The following CFAP20DC variants were observed in gnomAD, a reference collection of about 807,000 sequenced individuals.
The protein encoded by CFAP20DC is CFAP20 domain containing.
A neutral mutation model predicts 101.7 loss-of-function variants in CFAP20DC; 84 were observed. That is an observed-to-expected ratio of 0.83 (90% CI 0.69 to 0.99). CFAP20DC has a LOEUF of 0.99. Ranked by LOEUF, CFAP20DC falls within the 50% of genes least tolerant of loss-of-function variation. CFAP20DC has a pLI of 0.00. For synonymous variants in CFAP20DC, 359 were observed against 351.2 expected (o/e 1.02, Z -0.25); for missense variants, 1,007 against 970.3 (o/e 1.04, Z -0.50).
At chr3:58,849,621 G>T (rs1031675030) in intron 12 of CFAP20DC, among the ~76,000 whole-genome samples, 1 of 152,144 alleles carries the variant, frequency 6.6e-6, no homozygotes, top group Middle Eastern at 3.4e-3. Flanking sequence ...CCTGCTATAC[G>T]GTATTTGGTC....
chr3:58,917,092 T>G (rs1272834079), intron 5 of CFAP20DC, among the ~76,000 whole-genome samples: 2 of 152,118 alleles, frequency 1.3e-5, no homozygotes, highest in African/African-American at 4.8e-5. Flanking sequence ...AAGACAGAAA[T>G]CTGATAGAGA....
At position 58,836,475 on chromosome 3, in the gene CFAP20DC, T is replaced by C. The variant is rs74352889; in HGVS notation, c.1972-4586A>G. The stretch of plus-strand genomic sequence containing the variant: ...AGATAGGAACCAGTTCTGCTAAACA[T>C]TGGGTGACACAAGGCTAAATCTACA... On this transcript the variant is annotated intron_variant, in intron 13 of 16. Coordinates refer to ENST00000482387, the MANE Select transcript of CFAP20DC (RefSeq NM_001394063.1). Among the ~76,000 whole-genome samples, 125 of 152,212 alleles carry C rather than the reference T, an allele frequency of 8.2e-4. 1 individual carries two copies. In the East Asian group the frequency reaches 0.017, roughly 21 times the overall value.
Position 58,996,003 on chromosome 3 carries a change from T to TATCTATCTATCA in CFAP20DC, c.278+43553_278+43554insTGATAGATAGAT, listed in dbSNP as rs1427504516. 8.6e-5 allele frequency among the ~76,000 whole-genome samples: 13 copies of TATCTATCTATCA among 152,010 alleles called. No individual in the cohort carries two copies. In the East Asian group the frequency reaches 1.5e-3, roughly 18 times the overall value. On this transcript the variant is annotated intron_variant, in intron 4 of 16. Transcript: ENST00000482387. ...CTATCTATCTATCTATCTATCTATC[T>TATCTATCTATCA]ATCTATCTATCTATCTATCTATTGT...
At chr3:58,904,901 T>C (rs575868266) in intron 6 of CFAP20DC, among the ~76,000 whole-genome samples, 47 of 152,222 alleles carry the variant, frequency 3.1e-4, no homozygotes, top group African/African-American at 1.1e-3. Flanking sequence ...TCTATAAAGG[T>C]TTATTGAACG....
chr3:58,944,607 G>A (rs1269151012), intron 4 of CFAP20DC, among the ~76,000 whole-genome samples: 1 of 151,494 alleles, frequency 6.6e-6, no homozygotes, highest in Non-Finnish European at 1.5e-5. Context: ...GCAGTACCAA[G>A]GATTCCCTGG....
At chr3:58,825,469 T>G (rs943077330) in intron 14 of CFAP20DC, among the ~76,000 whole-genome samples, 4 of 151,872 alleles carry the variant, frequency 2.6e-5, no homozygotes, top group African/African-American at 9.7e-5. Context: ...TGATCTAGAG[T>G]TTATATTTGT....
At chr3:58,979,210 C>T (rs775607364) in intron 4 of CFAP20DC, among the ~76,000 whole-genome samples, 1 of 152,200 alleles carries the variant, frequency 6.6e-6, no homozygotes, top group Admixed American at 6.5e-5. Context: ...GCTTTGCAGT[C>T]AGACTGCATA....
rs2067512123 is a variant in CFAP20DC, at chr3:58,724,073, T to A, written c.198-6445A>T. ...TTCATTCCAGGATGCTGAGGTTTAATCCCTTTGAAAGGAGGGTGCTCCATG... is the reference window on the plus strand; with the variant it reads ...TTCATTCCAGGATGCTGAGGTTTAAACCCTTTGAAAGGAGGGTGCTCCATG... On this transcript the variant is annotated intron_variant, in intron 3 of 3. Coordinates refer to the CFAP20DC transcript ENST00000486145. This position sits in a 1 kb window ranked among gnomAD's most constrained non-coding sequence, Gnocchi z 5.6. Among the ~76,000 whole-genome samples, 1 of 152,162 alleles carries A rather than the reference T, an allele frequency of 6.6e-6. No homozygotes were observed. The highest frequency in any genetic ancestry group is 6.5e-5 in the Admixed American group (1 of 15,284).
intron 4 of CFAP20DC, among the ~76,000 whole-genome samples, chr3:59,026,957 C>T (rs758964785): frequency 6.6e-6 from 1 of 152,136 alleles, no homozygotes; most frequent in African/African-American, 2.4e-5. Flanking sequence ...GACCTAAACT[C>T]CGTAAAATTC....
At chr3:58,948,021 G>A (rs574289624) in intron 4 of CFAP20DC, among the ~76,000 whole-genome samples, 1 of 152,292 alleles carries the variant, frequency 6.6e-6, no homozygotes, top group African/African-American at 2.4e-5. Context: ...TTTCCAAGTT[G>A]TATATTGGAA....
intron 4 of CFAP20DC, among the ~76,000 whole-genome samples, chr3:59,026,226 C>T (rs1029462727): frequency 3.3e-5 from 5 of 152,108 alleles, no homozygotes; most frequent in Admixed American, 1.3e-4. Flanking sequence ...AAATTAGCCA[C>T]GAGATGCGTT....
Position 58,795,389 on chromosome 3 carries a change from C to G in CFAP20DC, c.2237+11006G>C, listed in dbSNP as rs369637893. On this transcript the variant is annotated intron_variant, in intron 15 of 16. Transcript: ENST00000482387. This position sits in a 1 kb window ranked among gnomAD's most constrained non-coding sequence, Gnocchi z 4.2. Reference sequence around the variant, plus strand: ...GCCGTGGCTCACGCCTGTAACCCAGCCCTTTGGGAGGCCAAGGTGGAGGGA... The same window carrying G: ...GCCGTGGCTCACGCCTGTAACCCAGGCCTTTGGGAGGCCAAGGTGGAGGGA... 9.3e-4 allele frequency among the ~76,000 whole-genome samples: 142 copies of G among 152,278 alleles called. No individual in the cohort carries two copies. Among genetic ancestry groups the G allele is most frequent in the South Asian group, 4.8e-3 (23 of 4,824 alleles).
chr3:58,758,845 T>C lies in CFAP20DC; in HGVS notation c.2238-4982A>G, dbSNP rs562073761. ...GAATGATGGTTTCCAGCTTCATCCA[T>C]GTCCCTACAAAGGACAAGAACTCAT... On this transcript the variant is annotated intron_variant, in intron 15 of 16. Coordinates refer to ENST00000482387, the MANE Select transcript of CFAP20DC (RefSeq NM_001394063.1). Among the ~76,000 whole-genome samples, 7 of 152,206 alleles carry C rather than the reference T, an allele frequency of 4.6e-5. No individual in the cohort carries two copies. The East Asian group carries it at 5.8e-4, about 13-fold the overall frequency.
chr3:58,814,741 T>A (rs1575730490), intron 14 of CFAP20DC, among the ~76,000 whole-genome samples: 1 of 150,518 alleles, frequency 6.6e-6, no homozygotes, highest in South Asian at 2.1e-4. Context: ...AAATCATGAG[T>A]GAACTCCCAT....
intron 15 of CFAP20DC, among the ~76,000 whole-genome samples, chr3:58,763,821 T>C (rs1014662643): frequency 3.9e-5 from 6 of 152,210 alleles, no homozygotes. Flanking sequence ...CCTGTTTGCC[T>C]GGGTATCAGC....
chr3:58,974,263 T>G (rs1240173209), intron 4 of CFAP20DC, among the ~76,000 whole-genome samples: 1 of 152,120 alleles, frequency 6.6e-6, no homozygotes, highest in Admixed American at 6.6e-5. Flanking sequence ...TCCTCCCACC[T>G]TCCCCCTACT....
intron 15 of CFAP20DC, among the ~76,000 whole-genome samples, chr3:58,763,948 A>G (rs2069971983): frequency 6.6e-6 from 1 of 151,958 alleles, no homozygotes; most frequent in African/African-American, 2.4e-5. Flanking sequence ...GTCTGCCCCT[A>G]CTCGGGGGTT....
chr3:59,009,340 C>G (rs999595537), intron 4 of CFAP20DC, among the ~76,000 whole-genome samples: 4 of 151,628 alleles, frequency 2.6e-5, no homozygotes, highest in Admixed American at 2.0e-4. Context: ...CTCTGAATTG[C>G]CAGATAAAAA....
intron 6 of CFAP20DC, among the ~76,000 whole-genome samples, chr3:58,904,651 T>C (rs1442040730): frequency 6.6e-6 from 1 of 152,192 alleles, no homozygotes; most frequent in Non-Finnish European, 1.5e-5. Context: ...AAAATCATTC[T>C]GATTATTGGT....
Sources: allele counts gnomAD v4.1 joint callset (sites outside exome capture counted in the v4.1 genomes callset), GRCh38; gene constraint gnomAD v4.1.1; non-coding constraint Gnocchi (gnomAD v3.1); transcripts MANE v1.5; gene names NCBI Gene and HGNC (gene_info 2026-07-23, HGNC 2026-07-21).